Variants in IPO11 observed in about 807,000 individuals in gnomAD.
IPO11 encodes importin 11.
A neutral mutation model predicts 143.2 loss-of-function variants in IPO11; 66 were observed. The ratio of observed to expected loss-of-function variants is 0.46; its 90% confidence interval spans 0.38 to 0.57. IPO11 has a LOEUF of 0.57. IPO11 is among the 20% of genes least tolerant of loss of function. IPO11 has a pLI of 0.00. For missense variants in IPO11, 1,026 were observed against 1,141.0 expected (o/e 0.90, Z 1.45); for synonymous variants, 385 against 377.8 (o/e 1.02, Z -0.22).
intron 27 of IPO11, chr5:62,579,358 A>T: frequency 2.3e-6 from 3 of 1,292,684 alleles, no homozygotes; most frequent in South Asian, 2.6e-5. Context: ...AATTCATTTG[A>T]TGAAGTTTTC....
chr5:62,610,074 C>T (rs887671149), intron 29 of IPO11, among the ~76,000 whole-genome samples: 3 of 152,212 alleles, frequency 2.0e-5, no homozygotes, highest in Admixed American at 6.5e-5. Flanking sequence ...TTGGCATCCA[C>T]CGGCTGCCTC....
At chr5:62,460,281 A>G (rs563131851) in intron 5 of IPO11, among the ~76,000 whole-genome samples, 130 of 152,088 alleles carry the variant, frequency 8.5e-4, no homozygotes, top group African/African-American at 2.9e-3. Context: ...CAAATCTTTT[A>G]ATTTTGAATA....
chr5:62,525,545 G>A (rs1302127782), intron 20 of IPO11, among the ~76,000 whole-genome samples: 1 of 152,066 alleles, frequency 6.6e-6, no homozygotes, highest in African/African-American at 2.4e-5. Context: ...CACCATGCTT[G>A]GCTAACTTTT....
chr5:62,441,764 G>C (rs1379766532), intron 2 of IPO11, among the ~76,000 whole-genome samples: 1 of 146,546 alleles, frequency 6.8e-6, no homozygotes. Flanking sequence ...TGGTCCACCT[G>C]CCTCGGCCTC....
At position 62,628,307 on chromosome 5, in the gene IPO11, T is replaced by C. The variant is rs1482717500; in HGVS notation, c.*989T>C. ...GTCTTCCTTCCTTATTCCTCGAACA[T>C]GCAGTACATAAAAAGGGGAAAAGGA... On this transcript the variant is annotated 3_prime_UTR_variant, in exon 30 of 30. Transcript: ENST00000325324. 1 of 152,364 alleles carries C rather than the reference T, an allele frequency of 6.6e-6. No individual in the cohort carries two copies. The highest frequency in any genetic ancestry group is 1.5e-5 in the Non-Finnish European group (1 of 67,998). 9.4% of individuals were successfully genotyped at this position (152,364 alleles called of 1,614,324 possible).
Position 62,627,204 on chromosome 5 carries a change from C to T in IPO11, c.2814C>T (p.Tyr938=), listed in dbSNP as rs750915999. The T allele has an allele frequency of 9.9e-6, 16 of 1,613,990 alleles. No individual in the cohort carries two copies. The highest frequency in any genetic ancestry group is 6.7e-5 in the African/African-American group (5 of 74,918). ...VHTVSLQQFI[Y]EKLKAQQEML... is the part of the protein sequence containing the mutation. Reference sequence around the variant, plus strand: ...CAGTGTCACTGCAGCAGTTCATCTACGAGAAGCTCAAGGCACAGCAGGAGA... The same window carrying T: ...CAGTGTCACTGCAGCAGTTCATCTATGAGAAGCTCAAGGCACAGCAGGAGA... The change falls in exon 30 of 30, where the codon TAC becomes TAT. Residue 938 remains tyrosine, a synonymous_variant. Transcript: ENST00000325324.
chr5:62,435,162 GTA>G lies in IPO11; in HGVS notation c.-6-2104_-6-2103del, dbSNP rs1211970322. ...TATATATGTATATATGTATATATATGTATATATATGTATATATGTATATATAT... is the reference window on the plus strand; with the variant it reads ...TATATATGTATATATGTATATATATGTATATATGTATATATGTATATATAT... On this transcript the variant is annotated intron_variant, in intron 1 of 29. Transcript: ENST00000325324. Among the ~76,000 whole-genome samples the G allele has an allele frequency of 1.4e-3, 131 of 91,352 alleles. 2 individuals carry two copies. The highest frequency in any genetic ancestry group is 2.4e-3 in the South Asian group (6 of 2,464). 59.9% of individuals were successfully genotyped at this position (91,352 alleles called of 152,430 possible).
chr5:62,577,528 A>G (rs931989714), intron 27 of IPO11, among the ~76,000 whole-genome samples: 22 of 152,246 alleles, frequency 1.4e-4, no homozygotes, highest in African/African-American at 5.1e-4. Flanking sequence ...CACCTTGTAT[A>G]TTATTGGAAG....
Position 62,449,935 on chromosome 5 carries a change from C to T in IPO11, c.248C>T (p.Ser83Leu). 1.3e-6 allele frequency: 2 copies of T among 1,575,362 alleles called. No individual in the cohort carries two copies. Among genetic ancestry groups the T allele is most frequent in the Non-Finnish European group, 1.7e-6 (2 of 1,162,180 alleles). Residue 83 changes from serine to leucine, a missense_variant, in exon 4 of 30, where the codon TCA (serine) becomes TTA (leucine). This residue lies in a region of IPO11 where 429 missense variants were observed against 456.3 expected (regional missense o/e 0.94). Coordinates refer to ENST00000325324, the MANE Select transcript of IPO11 (RefSeq NM_016338.5). The part of the protein sequence containing the change: ...YWRRVAPHAL[S>L]EEEKTTLRAG... ...CTTTTTTTTTTTTACAGTGCTCTCT[C>T]AGAGGAGGAGAAAACTACTCTGCGT...
intron 29 of IPO11, among the ~76,000 whole-genome samples, chr5:62,623,573 A>G (rs1324117856): frequency 6.6e-6 from 1 of 152,026 alleles, no homozygotes; most frequent in East Asian, 1.9e-4. Context: ...TGGCTACTCC[A>G]TAGGCAGAGC....
At chr5:62,596,150 T>C (rs1422313448) in intron 28 of IPO11, among the ~76,000 whole-genome samples, 1 of 150,024 alleles carries the variant, frequency 6.7e-6, no homozygotes, top group Non-Finnish European at 1.5e-5. Context: ...AGTCCCTGCT[T>C]AGCAGCTGCT....
intron 7 of IPO11, among the ~76,000 whole-genome samples, chr5:62,471,290 T>C (rs930183696): frequency 6.6e-6 from 1 of 151,968 alleles, no homozygotes; most frequent in Non-Finnish European, 1.5e-5. Context: ...TAATTGGGTC[T>C]TTGGGTCTCC....
intron 24 of IPO11, among the ~76,000 whole-genome samples, chr5:62,538,244 A>G (rs2112326516): frequency 6.6e-6 from 1 of 152,332 alleles, no homozygotes; most frequent in Middle Eastern, 3.4e-3. Context: ...CACTTAGGTA[A>G]TCAGAGTAAC....
chr5:62,462,934 A>C (rs1027507363), intron 5 of IPO11, among the ~76,000 whole-genome samples: 5 of 149,650 alleles, frequency 3.3e-5, no homozygotes, highest in Non-Finnish European at 7.4e-5. Flanking sequence ...GGGGGTATTG[A>C]GAATTAGATA....
chr5:62,556,727 A>AAAT (rs1179748753), intron 26 of IPO11, among the ~76,000 whole-genome samples: 1 of 152,164 alleles, frequency 6.6e-6, no homozygotes, highest in Non-Finnish European at 1.5e-5. Context: ...ATTTTTTTTT[A>AAAT]AATGAAGTTT....
intron 1 of IPO11, among the ~76,000 whole-genome samples, chr5:62,423,080 T>A (rs1302293114): frequency 6.6e-6 from 1 of 152,240 alleles, no homozygotes; most frequent in African/African-American, 2.4e-5. Flanking sequence ...TTTGTTGGCT[T>A]GATATGCTCC....
At chr5:62,482,369 T>C (rs1221519201) in intron 9 of IPO11, among the ~76,000 whole-genome samples, 1 of 152,232 alleles carries the variant, frequency 6.6e-6, no homozygotes, top group Non-Finnish European at 1.5e-5. Context: ...GTTCTTTTAA[T>C]TGTAATGTAA....
At chr5:62,557,689 A>C (rs1743625031) in intron 26 of IPO11, among the ~76,000 whole-genome samples, 2 of 152,158 alleles carry the variant, frequency 1.3e-5, no homozygotes, top group Non-Finnish European at 1.5e-5. Flanking sequence ...TTTTATATCC[A>C]CACTTCATTG....
chr5:62,471,986 A>G (rs1266460299), intron 7 of IPO11, among the ~76,000 whole-genome samples: 3 of 152,226 alleles, frequency 2.0e-5, no homozygotes, highest in Non-Finnish European at 1.5e-5. Context: ...CTGAAAGATA[A>G]TGTCAAGCCT....
Sources: allele counts gnomAD v4.1 joint callset (sites outside exome capture counted in the v4.1 genomes callset), GRCh38; gene constraint gnomAD v4.1.1; regional missense constraint gnomAD v4.1.1; transcripts MANE v1.5; gene names NCBI Gene and HGNC (gene_info 2026-07-23, HGNC 2026-07-21).